Variants in LIMCH1 observed in about 807,000 individuals in gnomAD.
LIMCH1 encodes LIM and calponin homology domains-containing protein 1.
A neutral mutation model predicts 176.5 loss-of-function variants in LIMCH1; 113 were observed. The observed-to-expected ratio is 0.64, with a 90% confidence interval of 0.55 to 0.75. The LOEUF (loss-of-function observed/expected upper bound fraction) is 0.75, where lower values mean the gene tolerates loss of function less well. LIMCH1 is among the 30% of genes least tolerant of loss of function. The probability of loss-of-function intolerance (pLI) is 0.00; values close to 1 mark genes in which losing one functional copy is unlikely to be tolerated. For synonymous variants in LIMCH1, 619 were observed against 645.9 expected (o/e 0.96, Z 0.63); for missense variants, 1,674 against 1,814.9 (o/e 0.92, Z 1.41).
rs192412080 is a variant in LIMCH1 at position 41,582,613 on chromosome 4, G to A, written c.-240-16307G>A. The stretch of plus-strand genomic sequence containing the variant: ...CATTTACGTGTGTGCCATTAAGCAC[G>A]TTACATTATGTCTCTGTAGTTCACT... On this transcript the variant is annotated intron_variant, in intron 1 of 31. Transcript: ENST00000503057. Among the ~76,000 whole-genome samples the A allele has an allele frequency of 5.9e-5, 9 of 152,278 alleles. 1 individual carries two copies. The highest frequency in any genetic ancestry group is 1.9e-4 in the African/African-American group (8 of 41,568).
intron 1 of LIMCH1, among the ~76,000 whole-genome samples, chr4:41,554,227 T>C (rs1272748262): frequency 6.6e-6 from 1 of 152,196 alleles, no homozygotes; most frequent in Non-Finnish European, 1.5e-5. Context: ...TTATTGCAAT[T>C]GAACTAGGCA....
upstream of LIMCH1, among the ~76,000 whole-genome samples, chr4:41,537,544 A>G (rs2078087914): frequency 6.6e-6 from 1 of 152,230 alleles, no homozygotes; most frequent in South Asian, 2.1e-4. Context: ...ACAAAGATTG[A>G]ATGCCTCCAT....
intron 1 of LIMCH1, among the ~76,000 whole-genome samples, chr4:41,386,258 A>G (rs2056478612): frequency 6.6e-6 from 1 of 152,164 alleles, no homozygotes; most frequent in Non-Finnish European, 1.5e-5. Flanking sequence ...GAAGCACCAG[A>G]GGACCTACAG....
upstream of LIMCH1, chr4:41,360,730 A>AGGCGGGGAGG (rs1298659590): frequency 4.9e-6 from 3 of 614,774 alleles, no homozygotes; most frequent in African/African-American, 6.1e-5. This position sits in a 1 kb window ranked among gnomAD's most constrained non-coding sequence, Gnocchi z 4.5. Context: ...GGGCGGGGAG[A>AGGCGGGGAGG]GGCGGGGAGG....
chr4:41,513,595 A>G (rs2075198112), intron 2 of LIMCH1, among the ~76,000 whole-genome samples: 1 of 152,348 alleles, frequency 6.6e-6, no homozygotes, highest in South Asian at 2.1e-4. Flanking sequence ...ACAAACCAAC[A>G]GGAACTTCAT....
At position 41,489,524 on chromosome 4, in the gene LIMCH1, G is replaced by T. The variant is rs1012991526; in HGVS notation, c.97-5012G>T. ...ACAAAATACATTGTAATTTCTTTTT[G>T]ATTTCTTCTTTGATCAGTGGGTTAT... is the stretch of plus-strand genomic sequence containing the variant. On this transcript the variant is annotated intron_variant, in intron 1 of 26. Coordinates refer to the LIMCH1 transcript ENST00000313860. Among the ~76,000 whole-genome samples, 33 of 151,916 alleles carry T rather than the reference G, an allele frequency of 2.2e-4. 1 individual carries two copies. The highest frequency in any genetic ancestry group is 6.8e-3 in the Middle Eastern group (2 of 294).
intron 1 of LIMCH1, among the ~76,000 whole-genome samples, chr4:41,420,448 C>T (rs916812930): frequency 3.9e-5 from 6 of 152,156 alleles, no homozygotes; most frequent in Non-Finnish European, 8.8e-5. Flanking sequence ...GGGTGTAGGA[C>T]CAGACAAGAT....
chr4:41,444,976 T>C (rs921578802), intron 1 of LIMCH1, among the ~76,000 whole-genome samples: 1 of 152,086 alleles, frequency 6.6e-6, no homozygotes, highest in African/African-American at 2.4e-5. Flanking sequence ...CACTGTGTGC[T>C]TTTGTAGGCA....
At chr4:41,639,829 C>A (rs924606863) in intron 14 of LIMCH1, among the ~76,000 whole-genome samples, 2 of 152,092 alleles carry the variant, frequency 1.3e-5, no homozygotes, top group African/African-American at 2.4e-5. Context: ...TATTGAGGAG[C>A]ATTTTGTGGC....
chr4:41,469,248 T>C (rs1057147106), intron 1 of LIMCH1, among the ~76,000 whole-genome samples: 7 of 152,196 alleles, frequency 4.6e-5, no homozygotes, highest in African/African-American at 1.7e-4. Context: ...CTCCTCCTCT[T>C]CTGTTGATCT....
intron 4 of LIMCH1, 118 bp downstream of exon 4, chr4:41,606,122 T>C (rs1315984654): frequency 4.7e-6 from 3 of 637,912 alleles, no homozygotes; most frequent in Middle Eastern, 2.6e-4. Flanking sequence ...GCCAAAGATA[T>C]GCACTCAAGG....
chr4:41,584,769 A>G (rs767949862), intron 1 of LIMCH1, among the ~76,000 whole-genome samples: 52 of 152,298 alleles, frequency 3.4e-4, no homozygotes, highest in Admixed American at 7.2e-4. Context: ...TATATTCACA[A>G]TGTTATGCAA....
intron 1 of LIMCH1, among the ~76,000 whole-genome samples, chr4:41,440,139 G>A (rs557892665): frequency 6.6e-6 from 1 of 152,086 alleles, no homozygotes; most frequent in Non-Finnish European, 1.5e-5. Flanking sequence ...AAATAAACTT[G>A]AGCATTAATT....
intron 1 of LIMCH1, among the ~76,000 whole-genome samples, chr4:41,362,285 C>G (rs969526958): frequency 4.6e-5 from 7 of 152,154 alleles, no homozygotes; most frequent in African/African-American, 1.4e-4. Flanking sequence ...GCTGAAAGCC[C>G]CAGGCATGTC....
At chr4:41,472,985 T>C in intron 1 of LIMCH1, 2 of 982,464 alleles carry the variant, frequency 2.0e-6, no homozygotes, top group South Asian at 4.7e-5. Context: ...TAAGCCTTTT[T>C]TTTTTTTTCT....
intron 1 of LIMCH1, among the ~76,000 whole-genome samples, chr4:41,436,851 A>T (rs1002407790): frequency 1.3e-5 from 2 of 152,300 alleles, no homozygotes; most frequent in South Asian, 2.1e-4. Context: ...GGGTAAAAAC[A>T]CATGGTTTTT....
rs751080916 is a variant in LIMCH1, at chr4:41,603,854, C to A, written c.-133-21C>A. ...GAATCTGCTATTCTGACAATATTTTCTTTTCCCTTTCCTTGACTAGGAGCC... is the reference window on the plus strand; with the variant it reads ...GAATCTGCTATTCTGACAATATTTTATTTTCCCTTTCCTTGACTAGGAGCC... On this transcript the variant is annotated intron_variant, in intron 2 of 31. Coordinates refer to ENST00000503057, the MANE Select transcript of LIMCH1 (RefSeq NM_001330672.2). 40 of 1,584,972 alleles carry A rather than the reference C, an allele frequency of 2.5e-5. No homozygotes were observed. In the East Asian group the frequency reaches 7.6e-4, roughly 30 times the overall value.
intron 1 of LIMCH1, among the ~76,000 whole-genome samples, chr4:41,438,700 T>G (rs544117983): frequency 7.2e-5 from 11 of 152,094 alleles, no homozygotes; most frequent in East Asian, 5.8e-4. Context: ...ATTTTTTTTT[T>G]TTGTTTTGCT....
At chr4:41,565,788 A>G (rs1436166553) in intron 1 of LIMCH1, among the ~76,000 whole-genome samples, 2 of 152,098 alleles carry the variant, frequency 1.3e-5, no homozygotes, top group Non-Finnish European at 2.9e-5. Flanking sequence ...TTGCTGCTCC[A>G]CCTGTGCCAC....
Sources: gnomAD v4.1 joint callset for allele counts (sites outside exome capture counted in the v4.1 genomes callset) on GRCh38, gnomAD v4.1.1 for gene constraint, Gnocchi (gnomAD v3.1) non-coding constraint, MANE v1.5 for transcripts, NCBI Gene and HGNC (gene_info 2026-07-23, HGNC 2026-07-21) for gene names.